SYT16: variants seen among roughly 807,000 people sequenced by gnomAD.
SYT16 encodes synaptotagmin 16, also known as synaptotagmin-16.
In SYT16, 42 loss-of-function variants were observed where a neutral mutation model predicts 61.4. The ratio of observed to expected loss-of-function variants is 0.68; its 90% CI spans 0.53 to 0.89. The LOEUF is 0.89. Ranked by LOEUF, SYT16 falls within the 40% of genes least tolerant of loss-of-function variation. The pLI is 0.00. For synonymous variants in SYT16, 314 were observed against 302.3 expected, an observed-to-expected ratio of 1.04 and a Z score of -0.40; for missense variants, 804 against 807.3, an observed-to-expected ratio of 1.00 and a Z score of 0.05.
chr14:62,078,379 G>A (rs1416422595), intron 5 of SYT16, among the ~76,000 whole-genome samples: 2 of 152,054 alleles, frequency 1.3e-5, no homozygotes, highest in East Asian at 1.9e-4. Context: ...GGGCTTGGGG[G>A]GAGAGAGCGT....
intron 3 of SYT16, among the ~76,000 whole-genome samples, chr14:62,052,103 G>T (rs1293352243): frequency 6.6e-6 from 1 of 151,984 alleles, no homozygotes; most frequent in Non-Finnish European, 1.5e-5. Flanking sequence ...GTTCTTCCTT[G>T]TATTTTGCTT....
intron 1 of SYT16, among the ~76,000 whole-genome samples, chr14:61,943,765 C>T (rs578156124): frequency 6.6e-6 from 1 of 152,316 alleles, no homozygotes; most frequent in East Asian, 1.9e-4. Context: ...GACAAGCCCA[C>T]AGCCAATGTC....
chr14:62,059,296 C>A (rs372017364), intron 3 of SYT16, among the ~76,000 whole-genome samples: 8 of 152,258 alleles, frequency 5.3e-5, no homozygotes, highest in African/African-American at 1.9e-4. Flanking sequence ...CTGTGTCTTA[C>A]CCTGATGATC....
chr14:61,986,399 ATAT>A (rs1452248521), intron 2 of SYT16, among the ~76,000 whole-genome samples: 1 of 150,980 alleles, frequency 6.6e-6, no homozygotes, highest in African/African-American at 2.4e-5. Flanking sequence ...AAAGGATTGA[ATAT>A]TATTATTAGA....
At chr14:61,911,542 A>C (rs995910709) in intron 1 of SYT16, among the ~76,000 whole-genome samples, 6 of 152,338 alleles carry the variant, frequency 3.9e-5, no homozygotes, top group Non-Finnish European at 7.3e-5. Context: ...ATTGAAATGA[A>C]AGAACCAAGA....
chr14:61,971,282 T>G (rs773768218), intron 2 of SYT16, among the ~76,000 whole-genome samples: 13 of 152,194 alleles, frequency 8.5e-5, no homozygotes, highest in Non-Finnish European at 1.5e-4. Flanking sequence ...ATCTAACAGT[T>G]CTTGAAGTTC....
intron 1 of SYT16, among the ~76,000 whole-genome samples, chr14:61,855,711 A>T (rs1233239434): frequency 6.6e-6 from 1 of 152,240 alleles, no homozygotes; most frequent in Non-Finnish European, 1.5e-5. Context: ...AAACTACTAG[A>T]AACTATTATA....
intron 6 of SYT16, among the ~76,000 whole-genome samples, chr14:62,083,434 T>C (rs933010570): frequency 2.0e-5 from 3 of 152,156 alleles, no homozygotes; most frequent in Non-Finnish European, 2.9e-5. Flanking sequence ...CTCAGTTTTG[T>C]GCTCCTCCTC....
intron 1 of SYT16, among the ~76,000 whole-genome samples, chr14:61,823,202 AG>A (rs2045666617): frequency 6.6e-6 from 1 of 152,090 alleles, no homozygotes; most frequent in South Asian, 2.1e-4. Flanking sequence ...TGTGTTGGCC[AG>A]GCTGGTCTCG....
chr14:61,982,351 C>T (rs187704699), intron 2 of SYT16, among the ~76,000 whole-genome samples: 145 of 152,210 alleles, frequency 9.5e-4, no homozygotes, highest in Non-Finnish European at 1.5e-3. Context: ...TTAATGGACT[C>T]AGAGTTCCAT....
chr14:61,876,932 C>T (rs370371602), intron 1 of SYT16, among the ~76,000 whole-genome samples: 3 of 152,326 alleles, frequency 2.0e-5, no homozygotes, highest in South Asian at 2.1e-4. Context: ...GAAACCAGGT[C>T]ATTTACTTTG....
At chr14:62,053,966 A>C (rs992191085) in intron 3 of SYT16, among the ~76,000 whole-genome samples, 5 of 152,204 alleles carry the variant, frequency 3.3e-5, no homozygotes, top group African/African-American at 1.2e-4. Flanking sequence ...CCAGTGGAAA[A>C]TATGACTAGA....
At chr14:61,843,831 A>T (rs2046366399) in intron 1 of SYT16, among the ~76,000 whole-genome samples, 1 of 152,112 alleles carries the variant, frequency 6.6e-6, no homozygotes. Flanking sequence ...TTGAAGTCAG[A>T]TAATGTGATT....
intron 7 of SYT16, among the ~76,000 whole-genome samples, chr14:62,086,204 A>G (rs1228695711): frequency 1.3e-5 from 2 of 152,208 alleles, no homozygotes; most frequent in African/African-American, 4.8e-5. Context: ...CTGGCTAGGC[A>G]CGGTGGCTCA....
intron 3 of SYT16, among the ~76,000 whole-genome samples, chr14:62,039,435 G>A (rs1450403343): frequency 6.6e-6 from 1 of 152,194 alleles, no homozygotes; most frequent in Non-Finnish European, 1.5e-5. Context: ...TATTATGTAT[G>A]CTAGGTCTAT....
At chr14:61,979,655 G>A (rs190971015) in intron 2 of SYT16, among the ~76,000 whole-genome samples, 33 of 152,254 alleles carry the variant, frequency 2.2e-4, no homozygotes, top group African/African-American at 7.5e-4. Context: ...AGGCTGAGGC[G>A]GGTGGATCAC....
rs2057407821 is a variant in SYT16, at chr14:62,101,085, C to A, written c.*378C>A. 2 of 165,086 alleles carry A rather than the reference C, an allele frequency of 1.2e-5. No individual in the cohort carries two copies. The highest frequency in any genetic ancestry group is 2.6e-5 in the Non-Finnish European group (2 of 76,222). 10.2% of individuals were successfully genotyped at this position (165,086 alleles called of 1,614,324 possible). On this transcript the variant is annotated 3_prime_UTR_variant, in exon 8 of 8. Coordinates refer to ENST00000683842, the MANE Select transcript of SYT16 (RefSeq NM_001367656.1). Reference sequence around the variant, plus strand: ...AGCTGTTAATTGTTACTATTTGCAACCATTTAGGTGGATGAATCAGAATTT... The same window carrying A: ...AGCTGTTAATTGTTACTATTTGCAAACATTTAGGTGGATGAATCAGAATTT...
intron 7 of SYT16, among the ~76,000 whole-genome samples, chr14:62,092,191 CACA>C: frequency 1.0e-5 from 1 of 99,828 alleles, no homozygotes; most frequent in African/African-American, 3.2e-5. Flanking sequence ...CACACACACA[CACA>C]CACACACACA....
intron 1 of SYT16, among the ~76,000 whole-genome samples, chr14:61,849,125 T>A (rs2046532459): frequency 6.6e-6 from 1 of 152,182 alleles, no homozygotes; most frequent in Admixed American, 6.5e-5. Context: ...GGCCCTAGAA[T>A]GGGGGGCCTC....
Sources: allele counts gnomAD v4.1 joint callset (sites outside exome capture counted in the v4.1 genomes callset), GRCh38; gene constraint gnomAD v4.1.1; transcripts MANE v1.5; gene names NCBI Gene and HGNC (gene_info 2026-07-23, HGNC 2026-07-21).